CRHR2: variants seen among roughly 807,000 people sequenced by gnomAD.
CRHR2 encodes corticotropin-releasing hormone receptor 2.
Under a neutral mutation model 57.9 loss-of-function variants are expected in CRHR2, and 53 were observed. The observed-to-expected ratio is 0.92, with a 90% CI of 0.73 to 1.15. The LOEUF is 1.15. Among genes scored for constraint, CRHR2 ranks in the 50% most tolerant of loss-of-function variants. CRHR2 has a pLI of 0.00. For synonymous variants in CRHR2, 213 were observed against 220.9 expected (o/e 0.96, Z 0.32); for missense variants, 532 against 542.6 (o/e 0.98, Z 0.19).
At chr7:30,675,356 C>T (rs1005960824) in intron 2 of CRHR2, among the ~76,000 whole-genome samples, 2 of 152,194 alleles carry the variant, frequency 1.3e-5, no homozygotes, top group African/African-American at 4.8e-5. Flanking sequence ...GATGCTGGGA[C>T]CTCTGACTTA....
chr7:30,690,817 T>G (rs768831772), intron 1 of CRHR2, among the ~76,000 whole-genome samples: 2 of 152,166 alleles, frequency 1.3e-5, no homozygotes, highest in African/African-American at 2.4e-5. Context: ...AGGCACTCAC[T>G]GCACCTGTGT....
chr7:30,658,451 G>A (rs965964376), intron 8 of CRHR2, among the ~76,000 whole-genome samples: 1 of 152,062 alleles, frequency 6.6e-6, no homozygotes, highest in Non-Finnish European at 1.5e-5. Flanking sequence ...GGGGTTGGGG[G>A]TGGGGGAGAT....
At chr7:30,681,270 C>T (rs1332285048) in intron 2 of CRHR2, among the ~76,000 whole-genome samples, 1 of 152,120 alleles carries the variant, frequency 6.6e-6, no homozygotes, top group Non-Finnish European at 1.5e-5. Context: ...ATTCAGACAC[C>T]ACTCATTATG....
chr7:30,654,091 T>G (rs1474498514), intron 11 of CRHR2, among the ~76,000 whole-genome samples: 1 of 152,204 alleles, frequency 6.6e-6, no homozygotes, highest in African/African-American at 2.4e-5. Context: ...CCTGCCTGAC[T>G]AACCATGGCA....
chr7:30,660,538 A>T (rs1584089102), intron 8 of CRHR2, 35 bp downstream of exon 8: 1 of 1,549,764 alleles, frequency 6.5e-7, no homozygotes, highest in Non-Finnish European at 8.7e-7. Flanking sequence ...TCCTCTTGGC[A>T]CCCAGCCCCA....
chr7:30,657,699 C>T (rs909627721), intron 8 of CRHR2, among the ~76,000 whole-genome samples: 1 of 152,162 alleles, frequency 6.6e-6, no homozygotes, highest in African/African-American at 2.4e-5. Context: ...CCACTTTATT[C>T]ATCTATCCAT....
At chr7:30,654,906 T>A (rs747538719) in intron 11 of CRHR2, 133 bp downstream of exon 11, 12 of 1,551,934 alleles carry the variant, frequency 7.7e-6, no homozygotes, top group Non-Finnish European at 1.0e-5. Context: ...CCTGTTCCCC[T>A]AAGGCCGGGT....
rs748401148 is a variant in CRHR2 at position 30,655,024 on chromosome 7, G to A, written c.1095+15C>T. ...CCTGGATATCCCAGGCCACCCCGAG[G>A]GCCCAGCTTCATACCTCTCCATTGA... On this transcript the variant is annotated intron_variant, in intron 11 of 11. Transcript: ENST00000471646. The A allele has an allele frequency of 4.3e-6, 7 of 1,612,416 alleles. No homozygotes were observed. The East Asian group carries it at 1.6e-4, about 36-fold the overall frequency.
chr7:30,682,475 G>A (rs556405585), upstream of CRHR2: 1,128 of 1,326,046 alleles, frequency 8.5e-4, no homozygotes, highest in Non-Finnish European at 1.0e-3. Flanking sequence ...TCCCGGAGAG[G>A]AGCCGCCGAG....
chr7:30,660,015 C>T (rs1562794894), intron 8 of CRHR2, among the ~76,000 whole-genome samples: 1 of 152,176 alleles, frequency 6.6e-6, no homozygotes, highest in East Asian at 1.9e-4. Flanking sequence ...TGAACTCTCT[C>T]TTAATTAAAG....
intron 1 of CRHR2, among the ~76,000 whole-genome samples, chr7:30,689,499 C>T (rs904233861): frequency 9.9e-5 from 15 of 152,104 alleles, no homozygotes; most frequent in African/African-American, 3.6e-4. Context: ...TGCAGTGTTG[C>T]CTCCTAGGCA....
intron 2 of CRHR2, among the ~76,000 whole-genome samples, chr7:30,668,735 C>G (rs1044935780): frequency 2.0e-5 from 3 of 152,138 alleles, no homozygotes; most frequent in Non-Finnish European, 2.9e-5. Context: ...GGAGCTCATC[C>G]ATTCTTCAAA....
At chr7:30,686,583 C>A, upstream of CRHR2, 1 of 1,461,216 alleles carries the variant, frequency 6.8e-7, no homozygotes, top group Non-Finnish European at 9.2e-7. Context: ...CCAAGGTAGG[C>A]AGATTGCTTG....
At chr7:30,659,345 T>C (rs547987040) in intron 8 of CRHR2, among the ~76,000 whole-genome samples, 2 of 152,328 alleles carry the variant, frequency 1.3e-5, no homozygotes, top group Admixed American at 1.3e-4. Context: ...ATCTTTACAG[T>C]TGGGGCTTAC....
At position 30,692,084 on chromosome 7, in the gene CRHR2, T is replaced by C. The variant is rs1316823959; in HGVS notation, c.-260-2800A>G. 2.0e-5 allele frequency among the ~76,000 whole-genome samples: 3 copies of C among 152,202 alleles called. No individual in the cohort carries two copies. The East Asian group carries it at 5.8e-4, about 29-fold the overall frequency. ...AGTTCTCTGAGCCTTGATCTCCTCA[T>C]CTTTAAAATGGGGATAATACAAATC... On this transcript the variant is annotated intron_variant, in intron 1 of 13. Transcript: ENST00000341843.
chr7:30,669,530 ACC>A, intron 2 of CRHR2, among the ~76,000 whole-genome samples: 1 of 151,910 alleles, frequency 6.6e-6, no homozygotes, highest in South Asian at 2.1e-4. Context: ...TCTCCCTCAC[ACC>A]AATGCCCATG....
Position 30,665,051 on chromosome 7 carries a change from A to C in CRHR2, c.543+19T>G. 6.2e-7 allele frequency: 1 copy of C among 1,605,258 alleles called. No individual in the cohort carries two copies. Among genetic ancestry groups the C allele is most frequent in the Non-Finnish European group, 8.5e-7 (1 of 1,172,172 alleles). Reference sequence around the variant, plus strand: ...CCAGAGCCCCCCAGGTATAGCCCCGAGTCTCCCCGAGCAATGACCTCATTG... The same window carrying C: ...CCAGAGCCCCCCAGGTATAGCCCCGCGTCTCCCCGAGCAATGACCTCATTG... On this transcript the variant is annotated intron_variant, in intron 5 of 11. Transcript: ENST00000471646. This position sits in a 1 kb window ranked among gnomAD's most constrained non-coding sequence, Gnocchi z 4.5.
chr7:30,681,123 G>T (rs1298131173), intron 2 of CRHR2, among the ~76,000 whole-genome samples: 3 of 152,066 alleles, frequency 2.0e-5, no homozygotes, highest in African/African-American at 7.2e-5. Flanking sequence ...AACCCACACT[G>T]AACGACCCCA....
At chr7:30,655,471 C>T in intron 10 of CRHR2, 109 bp downstream of exon 10, 3 of 1,353,054 alleles carry the variant, frequency 2.2e-6, no homozygotes, top group Non-Finnish European at 3.0e-6. Flanking sequence ...GTGGATGTAA[C>T]TGAGCCATGG....
Sources: gnomAD v4.1 joint callset for allele counts (sites outside exome capture counted in the v4.1 genomes callset) on GRCh38, gnomAD v4.1.1 for gene constraint, Gnocchi (gnomAD v3.1) non-coding constraint, MANE v1.5 for transcripts, NCBI Gene and HGNC (gene_info 2026-07-23, HGNC 2026-07-21) for gene names.